Variants in DAB1 observed in about 807,000 individuals in gnomAD.
The protein encoded by DAB1 is disabled homolog 1.
Under a neutral mutation model 64.6 loss-of-function variants are expected in DAB1, and 15 were observed. The observed-to-expected ratio is 0.23, with a 90% CI of 0.16 to 0.36. The LOEUF is 0.36. Among genes scored for constraint, DAB1 ranks in the 10% least tolerant of loss-of-function variants. DAB1 has a pLI of 1.00. For synonymous variants in DAB1, 235 were observed against 251.9 expected (o/e 0.93, Z 0.64); for missense variants, 596 against 706.7 (o/e 0.84, Z 1.78).
chr1:57,086,644 AAC>A (rs368060919), intron 4 of DAB1, among the ~76,000 whole-genome samples: 6,823 of 118,482 alleles, frequency 0.058, 247 homozygotes, highest in African/African-American at 0.11. Flanking sequence ...TTCTGTCTTA[AAC>A]ACACACACAC....
chr1:57,470,075 T>G (rs994421844), intron 7 of DAB1, among the ~76,000 whole-genome samples: 1 of 152,218 alleles, frequency 6.6e-6, no homozygotes, highest in African/African-American at 2.4e-5. Context: ...ACACTGGACT[T>G]GGACTCAAGA....
At chr1:57,608,491 T>C (rs1221350543) in intron 7 of DAB1, among the ~76,000 whole-genome samples, 5 of 152,198 alleles carry the variant, frequency 3.3e-5, no homozygotes, top group Non-Finnish European at 7.3e-5. Flanking sequence ...TGAATCCTCA[T>C]ATCTGAAAGC....
At chr1:57,819,548 A>G (rs1413317111) in intron 6 of DAB1, among the ~76,000 whole-genome samples, 1 of 152,248 alleles carries the variant, frequency 6.6e-6, no homozygotes, top group Admixed American at 6.5e-5. Context: ...TTTTGGAAAC[A>G]GGAAGAATCA....
chr1:57,814,923 G>A (rs955953501), intron 6 of DAB1, among the ~76,000 whole-genome samples: 1 of 152,204 alleles, frequency 6.6e-6, no homozygotes, highest in South Asian at 2.1e-4. Context: ...CACTACCTAC[G>A]TAGCTCACAG....
intron 4 of DAB1, among the ~76,000 whole-genome samples, chr1:57,085,771 T>C (rs540477355): frequency 6.6e-6 from 1 of 152,284 alleles, no homozygotes; most frequent in East Asian, 1.9e-4. Context: ...CCTCGCACAC[T>C]GTATGACACT....
intron 4 of DAB1, among the ~76,000 whole-genome samples, chr1:58,160,729 T>G (rs1250671630): frequency 6.6e-6 from 1 of 152,154 alleles, no homozygotes; most frequent in Non-Finnish European, 1.5e-5. Context: ...AGGCTTTAAA[T>G]AATTTTGGGT....
At chr1:57,278,726 G>A (rs183585036) in intron 2 of DAB1, among the ~76,000 whole-genome samples, 1 of 152,162 alleles carries the variant, frequency 6.6e-6, no homozygotes, top group East Asian at 1.9e-4. Context: ...GCTCAAAGGG[G>A]GGCAAGCAAG....
At chr1:57,799,084 G>A (rs1443996554) in intron 6 of DAB1, among the ~76,000 whole-genome samples, 1 of 152,134 alleles carries the variant, frequency 6.6e-6, no homozygotes, top group Non-Finnish European at 1.5e-5. Context: ...GTGACCTTAG[G>A]CCAGTTACAT....
chr1:57,181,970 C>T (rs900816436), intron 2 of DAB1, among the ~76,000 whole-genome samples: 3 of 152,240 alleles, frequency 2.0e-5, no homozygotes, highest in Admixed American at 6.5e-5. Flanking sequence ...ACTGCAACCT[C>T]TGCCTCCTGG....
chr1:57,871,110 G>A (rs1315107879), intron 1 of DAB1, among the ~76,000 whole-genome samples: 1 of 152,124 alleles, frequency 6.6e-6, no homozygotes, highest in African/African-American at 2.4e-5. Context: ...TGGAGGAGCA[G>A]CAGCAATATC....
chr1:57,640,863 C>A (rs757525743), intron 7 of DAB1, among the ~76,000 whole-genome samples: 1 of 152,146 alleles, frequency 6.6e-6, no homozygotes, highest in Admixed American at 6.5e-5. Context: ...TAGGGGCATG[C>A]AAGCTCAGGA....
At chr1:57,262,194 G>A (rs531541991) in intron 2 of DAB1, among the ~76,000 whole-genome samples, 49 of 152,300 alleles carry the variant, frequency 3.2e-4, no homozygotes, top group African/African-American at 1.1e-3. Context: ...TCGTCATTTC[G>A]CATTGTTATT....
intron 7 of DAB1, among the ~76,000 whole-genome samples, chr1:57,511,951 A>AT (rs1159577251): frequency 2.6e-5 from 4 of 152,190 alleles, no homozygotes; most frequent in Admixed American, 6.5e-5. Context: ...ACAATCACTG[A>AT]TTTTTTAAAG....
chr1:57,557,414 A>G (rs1247307676), intron 7 of DAB1, among the ~76,000 whole-genome samples: 1 of 152,034 alleles, frequency 6.6e-6, no homozygotes, highest in Admixed American at 6.6e-5. Flanking sequence ...TGGCTTATAT[A>G]TATATACACA....
At chr1:57,530,980 C>T (rs1644656630) in intron 7 of DAB1, among the ~76,000 whole-genome samples, 1 of 152,124 alleles carries the variant, frequency 6.6e-6, no homozygotes, top group South Asian at 2.1e-4. Flanking sequence ...TCAAATCAGT[C>T]ACTCCAAACC....
intron 3 of DAB1, among the ~76,000 whole-genome samples, chr1:58,398,648 A>G (rs912665335): frequency 2.0e-5 from 3 of 152,230 alleles, no homozygotes; most frequent in Admixed American, 2.0e-4. Context: ...TGGTAACTGC[A>G]ATTTTGCAGG....
At chr1:57,021,441 G>T (rs941838975) in intron 11 of DAB1, among the ~76,000 whole-genome samples, 1 of 152,118 alleles carries the variant, frequency 6.6e-6, no homozygotes, top group Non-Finnish European at 1.5e-5. Flanking sequence ...TGAATCATGG[G>T]GGTGGTTTTC....
At chr1:58,164,762 G>A (rs1314206279) in intron 4 of DAB1, among the ~76,000 whole-genome samples, 1 of 152,044 alleles carries the variant, frequency 6.6e-6, no homozygotes, top group African/African-American at 2.4e-5. Context: ...AAAAGGAAGA[G>A]TCCTCAATAA....
chr1:58,209,822 A>T (rs1658464601), intron 4 of DAB1, among the ~76,000 whole-genome samples: 1 of 152,214 alleles, frequency 6.6e-6, no homozygotes, highest in African/African-American at 2.4e-5. Flanking sequence ...CGTCTTTAAG[A>T]ACATTAAAAT....
Sources: gnomAD v4.1 joint callset for allele counts (sites outside exome capture counted in the v4.1 genomes callset) on GRCh38, gnomAD v4.1.1 for gene constraint, MANE v1.5 for transcripts, NCBI Gene and HGNC (gene_info 2026-07-23, HGNC 2026-07-21) for gene names.